Variants in RGS6 observed in about 807,000 individuals in gnomAD.
RGS6 encodes the protein regulator of G protein signaling 6.
RGS6 carries 30 observed loss-of-function variants against 78.5 expected under a neutral mutation model. The observed-to-expected ratio is 0.38, with a 90% CI of 0.29 to 0.52. RGS6 has a LOEUF of 0.52. Ranked by LOEUF, RGS6 falls within the 20% of genes least tolerant of loss-of-function variation. The pLI, the probability that RGS6 is intolerant of heterozygous loss-of-function variation, is 0.85. For missense variants in RGS6, 495 were observed against 609.7 expected (o/e 0.81, Z 1.98); for synonymous variants, 206 against 206.0 (o/e 1.00, Z 0.00).
intron 8 of RGS6, 43 bp downstream of exon 8, chr14:72,470,126 C>G: frequency 6.9e-7 from 1 of 1,450,642 alleles, no homozygotes; most frequent in South Asian, 1.2e-5. Context: ...GGAAAAGACT[C>G]TGGAATTTGG....
At chr14:72,103,352 A>AT (rs2153529621) in intron 2 of RGS6, among the ~76,000 whole-genome samples, 1 of 152,350 alleles carries the variant, frequency 6.6e-6, no homozygotes, top group African/African-American at 2.4e-5. Flanking sequence ...CCTTGAAATG[A>AT]TTTTTAAATT....
intron 2 of RGS6, among the ~76,000 whole-genome samples, chr14:72,344,305 C>T (rs1359599416): frequency 4.6e-5 from 7 of 152,172 alleles, no homozygotes; most frequent in African/African-American, 1.7e-4. Context: ...CTGTGTCATC[C>T]GTCTGCCCTG....
intron 2 of RGS6, among the ~76,000 whole-genome samples, chr14:72,154,230 C>G (rs2096737041): frequency 6.6e-6 from 1 of 152,102 alleles, no homozygotes; most frequent in Admixed American, 6.6e-5. Context: ...CCCTTGTTCC[C>G]TAAAAGTCGC....
intron 2 of RGS6, among the ~76,000 whole-genome samples, chr14:72,042,943 G>C (rs2092546408): frequency 6.6e-6 from 1 of 152,166 alleles, no homozygotes; most frequent in Non-Finnish European, 1.5e-5. Flanking sequence ...GAAAAAGTGT[G>C]AGAGTGTTAC....
At chr14:72,595,933 T>C in the RGS6 span, among the ~76,000 whole-genome samples, 7 of 152,204 alleles carry the variant, frequency 4.6e-5, no homozygotes, top group African/African-American at 1.7e-4. Flanking sequence ...CTGATTCTGA[T>C]AGGGCTTGAG....
At chr14:72,285,959 A>G (rs961005867) in intron 2 of RGS6, among the ~76,000 whole-genome samples, 3 of 152,160 alleles carry the variant, frequency 2.0e-5, no homozygotes, top group African/African-American at 7.2e-5. Flanking sequence ...CCCATTTCAT[A>G]GGCTGCCTTT....
intron 2 of RGS6, among the ~76,000 whole-genome samples, chr14:72,337,471 C>T (rs1284313704): frequency 6.6e-6 from 1 of 152,084 alleles, no homozygotes; most frequent in African/African-American, 2.4e-5. Context: ...GCTGGGTTCT[C>T]CCTCTACTTA....
At chr14:72,202,825 TC>T (rs1179185316) in intron 2 of RGS6, among the ~76,000 whole-genome samples, 1 of 151,868 alleles carries the variant, frequency 6.6e-6, no homozygotes. Flanking sequence ...AGCAAGTCTG[TC>T]CCATGCTATA....
At chr14:72,046,203 G>T (rs11388125) in intron 2 of RGS6, among the ~76,000 whole-genome samples, 88,808 of 132,988 alleles carry the variant, frequency 0.67, 27,682 homozygotes, top group African/African-American at 0.79. Flanking sequence ...TTCATTGTTG[G>T]GTTTTTTTTT....
At chr14:72,004,099 G>A (rs1164796821) in intron 2 of RGS6, among the ~76,000 whole-genome samples, 1 of 152,190 alleles carries the variant, frequency 6.6e-6, no homozygotes, top group Non-Finnish European at 1.5e-5. Context: ...CTCCCCAGGA[G>A]GTTTGAATGG....
At chr14:71,964,952 A>C (rs1005490728) in intron 2 of RGS6, 77 bp downstream of exon 2, 2 of 1,064,948 alleles carry the variant, frequency 1.9e-6, no homozygotes, top group South Asian at 3.9e-5. Context: ...TAAAAAGACA[A>C]ATGTTTTCTG....
chr14:72,064,800 C>A (rs1475965042), intron 2 of RGS6, among the ~76,000 whole-genome samples: 10 of 152,146 alleles, frequency 6.6e-5, no homozygotes, highest in Admixed American at 3.9e-4. Context: ...ACAAAGAAAT[C>A]TCTCTACTGT....
chr14:71,992,714 A>AT (rs1287970471), intron 2 of RGS6, among the ~76,000 whole-genome samples: 1 of 152,230 alleles, frequency 6.6e-6, no homozygotes, highest in Non-Finnish European at 1.5e-5. Context: ...TAACACATGC[A>AT]TTTTAAGGTT....
At chr14:72,544,521 G>C (rs547830454) in intron 17 of RGS6, among the ~76,000 whole-genome samples, 2 of 152,300 alleles carry the variant, frequency 1.3e-5, no homozygotes, top group East Asian at 3.9e-4. Context: ...GGGAGAGGAG[G>C]ACCAGGCGTT....
the RGS6 span, among the ~76,000 whole-genome samples, chr14:72,604,781 T>C: frequency 2.9e-3 from 437 of 152,264 alleles, 2 homozygotes; most frequent in African/African-American, 0.01. Flanking sequence ...GTTGAGCCTG[T>C]GTTTAGTCCC....
intron 2 of RGS6, among the ~76,000 whole-genome samples, chr14:72,055,360 T>C (rs1022453037): frequency 6.6e-6 from 1 of 152,214 alleles, no homozygotes; most frequent in Non-Finnish European, 1.5e-5. Flanking sequence ...ATATACTTCT[T>C]AAGTATTTTA....
In RGS6 at chr14:72,434,801, A is replaced by G. The variant is rs558612522; in HGVS notation, c.185-19727A>G. Among the ~76,000 whole-genome samples, 3 of 152,346 alleles carry G rather than the reference A, an allele frequency of 2.0e-5. No individual in the cohort carries two copies. In the South Asian group the frequency reaches 6.2e-4, roughly 32 times the overall value. ...CTCACTCATTCTCTTCCTTTGTTCA[A>G]AAAACATCTCTTGAGCCTCTGTGAT... is the stretch of plus-strand genomic sequence containing the variant. On this transcript the variant is annotated intron_variant, in intron 3 of 17. Coordinates refer to ENST00000553525, the MANE Select transcript of RGS6 (RefSeq NM_001204424.2).
chr14:72,383,350 T>G (rs1472408547), intron 3 of RGS6, among the ~76,000 whole-genome samples: 1 of 151,884 alleles, frequency 6.6e-6, no homozygotes, highest in Non-Finnish European at 1.5e-5. Flanking sequence ...GACTTTACTG[T>G]GCTTTTTTGG....
At chr14:72,523,547 T>G (rs1184098051) in intron 15 of RGS6, among the ~76,000 whole-genome samples, 1 of 152,192 alleles carries the variant, frequency 6.6e-6, no homozygotes, top group Non-Finnish European at 1.5e-5. Flanking sequence ...GTGCAGCCTC[T>G]CTCCAATGGG....
Sources: allele counts gnomAD v4.1 joint callset (sites outside exome capture counted in the v4.1 genomes callset), GRCh38; gene constraint gnomAD v4.1.1; transcripts MANE v1.5; gene names NCBI Gene and HGNC (gene_info 2026-07-23, HGNC 2026-07-21).